Variants in MGMT observed in about 807,000 individuals in gnomAD.
MGMT encodes the protein O-6-methylguanine-DNA methyltransferase.
A neutral mutation model predicts 15.9 loss-of-function variants in MGMT; 14 were observed. The ratio of observed to expected loss-of-function variants is 0.88; its 90% CI spans 0.58 to 1.37. MGMT has a LOEUF of 1.37. Ranked by LOEUF, MGMT falls within the 40% of genes most tolerant of loss-of-function variation. MGMT has a pLI of 0.00. For synonymous variants in MGMT, 130 were observed against 118.2 expected (o/e 1.10, Z -0.65); for missense variants, 282 against 268.1 (o/e 1.05, Z -0.36).
intron 1 of MGMT, among the ~76,000 whole-genome samples, chr10:129,493,169 A>G (rs771418458): frequency 7.2e-5 from 11 of 152,054 alleles, no homozygotes; most frequent in Admixed American, 2.0e-4. Flanking sequence ...TAAATTAGGG[A>G]TGCTTTTCCC....
At chr10:129,676,448 T>C (rs1343240149) in intron 2 of MGMT, among the ~76,000 whole-genome samples, 1 of 152,188 alleles carries the variant, frequency 6.6e-6, no homozygotes, top group Non-Finnish European at 1.5e-5. Flanking sequence ...CTCTGGCCAG[T>C]GTTCTTCTGT....
At chr10:129,632,178 A>T (rs1364770046) in intron 2 of MGMT, among the ~76,000 whole-genome samples, 1 of 152,210 alleles carries the variant, frequency 6.6e-6, no homozygotes, top group Non-Finnish European at 1.5e-5. Flanking sequence ...CTTTTATTGG[A>T]TATGCAGTAG....
At chr10:129,530,041 C>T (rs879436919) in intron 1 of MGMT, among the ~76,000 whole-genome samples, 7 of 151,786 alleles carry the variant, frequency 4.6e-5, no homozygotes, top group African/African-American at 1.7e-4. Context: ...GCTGGAACTA[C>T]AGGCACATGC....
intron 1 of MGMT, among the ~76,000 whole-genome samples, chr10:129,479,489 C>G (rs558028662): frequency 6.6e-6 from 1 of 151,898 alleles, no homozygotes; most frequent in Non-Finnish European, 1.5e-5. Context: ...GTATTCTGCT[C>G]GTTTTTTCCA....
chr10:129,590,540 T>TG (rs1846671411), intron 2 of MGMT, among the ~76,000 whole-genome samples: 1 of 152,216 alleles, frequency 6.6e-6, no homozygotes, highest in Non-Finnish European at 1.5e-5. Context: ...TTTCTAGCCA[T>TG]GGAATTGCTG....
intron 2 of MGMT, among the ~76,000 whole-genome samples, chr10:129,586,647 A>T (rs929203422): frequency 5.3e-5 from 8 of 152,150 alleles, no homozygotes; most frequent in African/African-American, 1.4e-4. Context: ...TGTACATTGA[A>T]TATTGTTCTT....
intron 2 of MGMT, among the ~76,000 whole-genome samples, chr10:129,573,876 G>A (rs1378457913): frequency 6.6e-6 from 1 of 152,102 alleles, no homozygotes; most frequent in Non-Finnish European, 1.5e-5. Context: ...ACCGAATGGA[G>A]AATACTTAGA....
Position 129,556,659 on chromosome 10 carries a change from C to T in MGMT, c.125+20282C>T, listed in dbSNP as rs143377545. Among the ~76,000 whole-genome samples the T allele has an allele frequency of 0.033, 4,957 of 152,162 alleles. 132 individuals carry two copies. The highest frequency in any genetic ancestry group is 0.064 in the South Asian group (307 of 4,802). Reference sequence around the variant, plus strand: ...CATCCCAGACAGTGTTCATAAACACCGACGGCAAAGTCAGGACGGGCAGGA... The same window carrying T: ...CATCCCAGACAGTGTTCATAAACACTGACGGCAAAGTCAGGACGGGCAGGA... On this transcript the variant is annotated intron_variant, in intron 2 of 4. Transcript: ENST00000651593. The surrounding 1 kb of genome is among the most constrained non-coding windows in gnomAD (Gnocchi z 4.3).
At chr10:129,766,316 C>T (rs1435612381) in intron 4 of MGMT, among the ~76,000 whole-genome samples, 2 of 152,214 alleles carry the variant, frequency 1.3e-5, no homozygotes, top group South Asian at 2.1e-4. Context: ...CCCACAGCCA[C>T]AGTTGGCCGG....
intron 1 of MGMT, among the ~76,000 whole-genome samples, chr10:129,527,790 G>A (rs947359373): frequency 6.6e-6 from 1 of 151,936 alleles, no homozygotes; most frequent in African/African-American, 2.4e-5. Flanking sequence ...TGGCCCTCAC[G>A]GCTCCAGGAG....
intron 2 of MGMT, among the ~76,000 whole-genome samples, chr10:129,656,602 T>C (rs1301872911): frequency 6.6e-6 from 1 of 152,184 alleles, no homozygotes; most frequent in Non-Finnish European, 1.5e-5. Context: ...TTATAGATTT[T>C]AGAGAGACAT....
At chr10:129,469,462 C>G (rs1245638985) in intron 1 of MGMT, among the ~76,000 whole-genome samples, 1 of 152,154 alleles carries the variant, frequency 6.6e-6, no homozygotes, top group African/African-American at 2.4e-5. Flanking sequence ...TGTTTCTGCA[C>G]TTCATTCTGA....
intron 1 of MGMT, among the ~76,000 whole-genome samples, chr10:129,520,141 A>G (rs1296026684): frequency 6.6e-6 from 1 of 152,222 alleles, no homozygotes; most frequent in African/African-American, 2.4e-5. Context: ...CAGTGGGCAG[A>G]AAAAGATGGG....
chr10:129,504,996 G>A (rs1845610089), intron 1 of MGMT, among the ~76,000 whole-genome samples: 1 of 152,180 alleles, frequency 6.6e-6, no homozygotes, highest in Non-Finnish European at 1.5e-5. Flanking sequence ...TAACAAAGAT[G>A]AAGTTTTGGA....
At chr10:129,683,868 G>T (rs1847878859) in intron 2 of MGMT, among the ~76,000 whole-genome samples, 1 of 152,200 alleles carries the variant, frequency 6.6e-6, no homozygotes, top group African/African-American at 2.4e-5. Flanking sequence ...TGCAGAAGAT[G>T]TGTCAGGGGT....
rs77439582 is a variant in MGMT, at chr10:129,632,029, G to A, written c.126-75866G>A. Among the ~76,000 whole-genome samples the A allele has an allele frequency of 8.1e-4, 123 of 152,190 alleles. 1 individual carries two copies. In the East Asian group the frequency reaches 0.017, roughly 21 times the overall value. Reference sequence around the variant, plus strand: ...TGGGATTGCAGGCGTAAGCCACCGCGCCCAGCTTTCTAGTTTGTTTTTATG... The same window carrying A: ...TGGGATTGCAGGCGTAAGCCACCGCACCCAGCTTTCTAGTTTGTTTTTATG... On this transcript the variant is annotated intron_variant, in intron 2 of 4. Transcript: ENST00000651593.
intron 3 of MGMT, among the ~76,000 whole-genome samples, chr10:129,753,430 CT>C (rs1848771499): frequency 6.6e-6 from 1 of 151,980 alleles, no homozygotes; most frequent in African/African-American, 2.4e-5. Context: ...ACTTTTTTTC[CT>C]CTTTTTCTGT....
In MGMT at chr10:129,769,850, C is replaced by A. The variant is rs139993076; in HGVS notation, c.*2853C>A. ...ATGCATGTTATGGTGTTGGCTGATG[C>A]GGAATCAGGAAGCTTGGAGGAGCTC... On this transcript the variant is annotated 3_prime_UTR_variant, in exon 5 of 5. Coordinates refer to ENST00000651593, the MANE Select transcript of MGMT (RefSeq NM_002412.5). 1.4e-4 allele frequency among the ~76,000 whole-genome samples: 22 copies of A among 152,234 alleles called. No individual in the cohort carries two copies. Among genetic ancestry groups the A allele is most frequent in the Non-Finnish European group, 2.8e-4 (19 of 68,030 alleles).
chr10:129,627,342 T>C (rs1442719000), intron 2 of MGMT, among the ~76,000 whole-genome samples: 1 of 152,108 alleles, frequency 6.6e-6, no homozygotes, highest in African/African-American at 2.4e-5. Context: ...CTGGAACCAG[T>C]CTAACAAAAA....
Sources: allele counts gnomAD v4.1 joint callset (sites outside exome capture counted in the v4.1 genomes callset), GRCh38; gene constraint gnomAD v4.1.1; non-coding constraint Gnocchi (gnomAD v3.1); transcripts MANE v1.5; gene names NCBI Gene and HGNC (gene_info 2026-07-23, HGNC 2026-07-21).